NELL1: variants seen among roughly 807,000 people sequenced by gnomAD.
NELL1 encodes neural EGFL like 1.
NELL1 carries 76 observed loss-of-function variants against 107.4 expected under a neutral mutation model. The observed-to-expected ratio is 0.71, with a 90% CI of 0.59 to 0.86. The LOEUF (loss-of-function observed/expected upper bound fraction) is 0.86, where lower values mean the gene tolerates loss of function less well. Among genes scored for constraint, NELL1 ranks in the 40% least tolerant of loss-of-function variants. NELL1 has a pLI of 0.00. For synonymous variants in NELL1, 353 were observed against 341.2 expected (o/e 1.03, Z -0.38); for missense variants, 1,024 against 1,005.5 (o/e 1.02, Z -0.25).
intron 2 of NELL1, among the ~76,000 whole-genome samples, chr11:20,736,434 G>C (rs888862393): frequency 7.9e-5 from 12 of 151,708 alleles, no homozygotes; most frequent in African/African-American, 2.9e-4. Context: ...GGGGTAAAAA[G>C]TTAGGCATTT....
rs1184463743 is a variant in NELL1, at chr11:21,105,837, CTCCCCTCCCTTCCCTCT to C, written c.1301-7751_1301-7735del. Among the ~76,000 whole-genome samples the C allele has an allele frequency of 7.9e-3, 11 of 1,396 alleles. 2 individuals carry two copies. The highest frequency in any genetic ancestry group is 0.058 in the East Asian group (3 of 52). The allele number at this position is 1,396 out of a possible 152,430, so 0.9% of individuals were successfully genotyped here. On this transcript the variant is annotated intron_variant, in intron 12 of 19. Coordinates refer to ENST00000357134, the MANE Select transcript of NELL1 (RefSeq NM_006157.5). ...TCTCCCCTTCCCTCCCTTCCCCTCT[CTCCCCTCCCTTCCCTCT>C]CTCCCCTCCCCCTCCCCTTCCTCTC...
At chr11:21,260,725 G>T (rs888227527) in intron 14 of NELL1, 1 of 151,768 alleles carries the variant, frequency 6.6e-6, no homozygotes, top group African/African-American at 2.4e-5. Context: ...GGGTTATTGA[G>T]GAGCCTCTCC....
At chr11:20,818,436 G>A (rs1590323530) in intron 3 of NELL1, among the ~76,000 whole-genome samples, 3 of 118,970 alleles carry the variant, frequency 2.5e-5, no homozygotes, top group Admixed American at 1.0e-4. Flanking sequence ...TTTTGTCTTC[G>A]GAATCAGGAA....
At chr11:21,428,271 G>T (rs1375407415) in intron 15 of NELL1, among the ~76,000 whole-genome samples, 1 of 152,108 alleles carries the variant, frequency 6.6e-6, no homozygotes, top group Non-Finnish European at 1.5e-5. Context: ...TTTTCTTAGA[G>T]TTCTTAAGCA....
chr11:21,071,793 CT>C (rs1339436192), intron 12 of NELL1, among the ~76,000 whole-genome samples: 1 of 152,146 alleles, frequency 6.6e-6, no homozygotes, highest in Non-Finnish European at 1.5e-5. Flanking sequence ...TCTTTGAGTC[CT>C]TTTGGCTGAA....
intron 16 of NELL1, among the ~76,000 whole-genome samples, chr11:21,546,435 C>T (rs1484035762): frequency 1.3e-5 from 2 of 152,082 alleles, no homozygotes; most frequent in East Asian, 2.0e-4. Context: ...CATGTCCCCA[C>T]CCAAATCTCA....
intron 14 of NELL1, among the ~76,000 whole-genome samples, chr11:21,324,394 A>T (rs1850082011): frequency 6.6e-6 from 1 of 152,158 alleles, no homozygotes; most frequent in Non-Finnish European, 1.5e-5. Flanking sequence ...AAATAAAGTT[A>T]GCAGATTCTA....
intron 12 of NELL1, among the ~76,000 whole-genome samples, chr11:20,972,041 G>T (rs918030965): frequency 6.8e-6 from 1 of 147,954 alleles, no homozygotes; most frequent in African/African-American, 2.5e-5. Flanking sequence ...GGGGTGGGGG[G>T]CAAGGGGAGG....
intron 4 of NELL1, among the ~76,000 whole-genome samples, chr11:20,862,144 G>A (rs1300482136): frequency 1.3e-5 from 2 of 152,218 alleles, no homozygotes; most frequent in East Asian, 3.8e-4. Flanking sequence ...TTAGCACTGT[G>A]TCTGGTAAGT....
chr11:20,716,467 A>G (rs1855252824), intron 2 of NELL1, among the ~76,000 whole-genome samples: 1 of 152,256 alleles, frequency 6.6e-6, no homozygotes, highest in South Asian at 2.1e-4. Flanking sequence ...TGCAAAATAA[A>G]TGGAAGTTCC....
At chr11:20,783,096 G>A (rs1437905347) in intron 2 of NELL1, among the ~76,000 whole-genome samples, 2 of 152,178 alleles carry the variant, frequency 1.3e-5, no homozygotes, top group Non-Finnish European at 2.9e-5. Flanking sequence ...GTTAAGCAAA[G>A]GCAGAGTTGT....
chr11:20,755,268 A>G (rs1314411559), intron 2 of NELL1, among the ~76,000 whole-genome samples: 1 of 152,186 alleles, frequency 6.6e-6, no homozygotes, highest in Non-Finnish European at 1.5e-5. Flanking sequence ...AATGCTGCCA[A>G]TCACCAGCAT....
chr11:21,328,462 G>A (rs1850196441), intron 14 of NELL1, among the ~76,000 whole-genome samples: 1 of 152,152 alleles, frequency 6.6e-6, no homozygotes, highest in Admixed American at 6.5e-5. Flanking sequence ...TGCTGTAGGG[G>A]TAGAACCCTC....
chr11:21,439,037 G>A (rs1345336430), intron 15 of NELL1, among the ~76,000 whole-genome samples: 1 of 148,522 alleles, frequency 6.7e-6, no homozygotes, highest in Non-Finnish European at 1.5e-5. Context: ...AAAGCTTAGA[G>A]TTGAGGTAGG....
intron 15 of NELL1, among the ~76,000 whole-genome samples, chr11:21,457,735 A>G (rs549934797): frequency 6.6e-6 from 1 of 152,326 alleles, no homozygotes. Flanking sequence ...CAAAGTCATT[A>G]ATGCAGATTA....
chr11:21,426,262 A>G (rs1219031401), intron 15 of NELL1, among the ~76,000 whole-genome samples: 1 of 152,224 alleles, frequency 6.6e-6, no homozygotes, highest in Non-Finnish European at 1.5e-5. Context: ...CATGCTCAGT[A>G]GCATGTGGTT....
At chr11:21,535,728 A>G (rs1354961318) in intron 16 of NELL1, among the ~76,000 whole-genome samples, 2 of 152,156 alleles carry the variant, frequency 1.3e-5, no homozygotes, top group Non-Finnish European at 2.9e-5. Flanking sequence ...TAATGTTTAT[A>G]TGTTTTTGAG....
At chr11:21,085,130 C>T (rs373465820) in intron 12 of NELL1, among the ~76,000 whole-genome samples, 11 of 152,058 alleles carry the variant, frequency 7.2e-5, no homozygotes, top group Admixed American at 2.0e-4. Context: ...TTTAGCTATT[C>T]ATCTAAATAT....
chr11:21,301,495 GTGA>G (rs1415334764), intron 14 of NELL1, among the ~76,000 whole-genome samples: 2 of 152,174 alleles, frequency 1.3e-5, no homozygotes, highest in Non-Finnish European at 2.9e-5. Flanking sequence ...CTGATGACCA[GTGA>G]TGATGAGCAT....
Sources: allele counts gnomAD v4.1 joint callset (sites outside exome capture counted in the v4.1 genomes callset), GRCh38; gene constraint gnomAD v4.1.1; transcripts MANE v1.5; gene names NCBI Gene and HGNC (gene_info 2026-07-23, HGNC 2026-07-21).